Variants in PPP2R2D observed in about 807,000 individuals in gnomAD.
The protein encoded by PPP2R2D is serine/threonine-protein phosphatase 2A 55 kDa regulatory subunit B delta isoform.
In PPP2R2D, 9 loss-of-function variants were observed where a neutral mutation model predicts 31.1. The ratio of observed to expected loss-of-function variants is 0.29; its 90% confidence interval spans 0.17 to 0.51. PPP2R2D has a LOEUF of 0.51. PPP2R2D is among the 20% of genes least tolerant of loss of function. PPP2R2D has a pLI of 0.98. For missense variants in PPP2R2D, 391 were observed against 465.6 expected, an observed-to-expected ratio of 0.84 and a Z score of 1.48; for synonymous variants, 179 against 172.6, an observed-to-expected ratio of 1.04 and a Z score of -0.29.
At chr10:131,955,314 T>TTA in intron 8 of PPP2R2D, among the ~76,000 whole-genome samples, 1 of 152,188 alleles carries the variant, frequency 6.6e-6, no homozygotes, top group Non-Finnish European at 1.5e-5. Flanking sequence ...ATGATAAGGA[T>TTA]TATGTTCAGG....
At chr10:131,952,890 GGT>G (rs201571269) in intron 8 of PPP2R2D, among the ~76,000 whole-genome samples, 1 of 64,048 alleles carries the variant, frequency 1.6e-5, no homozygotes, top group Non-Finnish European at 2.9e-5. Context: ...GTGACTTGCG[GGT>G]GTGTGTGGGG....
intron 2 of PPP2R2D, among the ~76,000 whole-genome samples, chr10:131,902,405 C>T (rs1319768485): frequency 6.6e-6 from 1 of 152,148 alleles, no homozygotes; most frequent in East Asian, 1.9e-4. Flanking sequence ...TACCCTGTAC[C>T]TCTCCCTGGC....
intron 2 of PPP2R2D, among the ~76,000 whole-genome samples, chr10:131,925,947 C>G (rs1199287039): frequency 6.6e-6 from 1 of 152,178 alleles, no homozygotes; most frequent in Non-Finnish European, 1.5e-5. Flanking sequence ...CACACAGGCC[C>G]TTAGTCTGAG....
At chr10:131,912,395 C>G (rs2035699130) in intron 2 of PPP2R2D, 5 of 152,252 alleles carry the variant, frequency 3.3e-5, no homozygotes, top group Non-Finnish European at 7.3e-5. Flanking sequence ...CTGTGTTGCC[C>G]AGGATGGTCT....
At chr10:131,927,406 G>A (rs916722598) in intron 2 of PPP2R2D, among the ~76,000 whole-genome samples, 8 of 151,408 alleles carry the variant, frequency 5.3e-5, no homozygotes, top group Admixed American at 1.3e-4. Flanking sequence ...GGGCGGGTGC[G>A]CGGGTCGGAC....
At chr10:131,954,241 T>C (rs2036749314) in intron 8 of PPP2R2D, among the ~76,000 whole-genome samples, 1 of 152,266 alleles carries the variant, frequency 6.6e-6, no homozygotes, top group Non-Finnish European at 1.5e-5. Context: ...GTATGAAAGC[T>C]GATGTGCTTT....
intron 2 of PPP2R2D, among the ~76,000 whole-genome samples, chr10:131,926,302 G>A (rs2036104058): frequency 6.6e-6 from 1 of 152,054 alleles, no homozygotes; most frequent in Non-Finnish European, 1.5e-5. Flanking sequence ...TGGACTTTTT[G>A]CCTTTGGGTG....
At chr10:131,906,770 A>AG (rs1204804378) in intron 2 of PPP2R2D, among the ~76,000 whole-genome samples, 1 of 151,174 alleles carries the variant, frequency 6.6e-6, no homozygotes, top group Non-Finnish European at 1.5e-5. Context: ...AAAAAAAAAA[A>AG]AAAAGAAAGA....
intron 3 of PPP2R2D, among the ~76,000 whole-genome samples, chr10:131,938,626 T>C (rs1554896775): frequency 1.3e-5 from 2 of 152,236 alleles, no homozygotes; most frequent in Non-Finnish European, 2.9e-5. Flanking sequence ...CAAGCATGTT[T>C]CTCCACTTCT....
rs147648460 is a variant in PPP2R2D at position 131,955,089 on chromosome 10, A to G, written c.1083-595A>G. On this transcript the variant is annotated intron_variant, in intron 8 of 8. Transcript: ENST00000455566. The stretch of plus-strand genomic sequence containing the variant: ...TCGACAGCAGAGACATTTGAAAGCC[A>G]TTACAGTTGATCTTGAAGAAACAAA... Among the ~76,000 whole-genome samples the G allele has an allele frequency of 4.0e-3, 615 of 152,340 alleles. 3 individuals carry two copies. The highest frequency in any genetic ancestry group is 0.013 in the African/African-American group (555 of 41,568).
At chr10:131,915,484 T>G (rs1358485030) in intron 2 of PPP2R2D, among the ~76,000 whole-genome samples, 2 of 152,228 alleles carry the variant, frequency 1.3e-5, no homozygotes, top group Non-Finnish European at 2.9e-5. Context: ...TTTGGGTTTT[T>G]GAAGAGATGA....
At position 131,956,112 on chromosome 10, in the gene PPP2R2D, G is replaced by A; in HGVS notation, c.*149G>A. The A allele has an allele frequency of 7.9e-7, 1 of 1,264,428 alleles. No individual in the cohort carries two copies. The highest frequency in any genetic ancestry group is 3.3e-5 in the South Asian group (1 of 29,976). The allele number at this position is 1,264,428 out of a possible 1,614,324, so 78.3% of individuals were successfully genotyped here. A position where few individuals can be genotyped will look rare whatever the true frequency, so the allele number is the denominator to read the frequency against. On this transcript the variant is annotated 3_prime_UTR_variant, in exon 9 of 9. Transcript: ENST00000455566. ...ACACAGGAGAAAGCCGCCTCCGCTGGAGGCCCGGTGTGGTTCCGCCTCGGC... is the reference window on the plus strand; with the variant it reads ...ACACAGGAGAAAGCCGCCTCCGCTGAAGGCCCGGTGTGGTTCCGCCTCGGC...
intron 8 of PPP2R2D, among the ~76,000 whole-genome samples, chr10:131,949,123 C>T (rs2036596185): frequency 6.6e-6 from 1 of 152,184 alleles, no homozygotes; most frequent in Non-Finnish European, 1.5e-5. Flanking sequence ...GACCTGCCAG[C>T]CTGTAGCATC....
chr10:131,960,562 C>G (rs112083821), downstream of PPP2R2D, among the ~76,000 whole-genome samples: 2 of 152,210 alleles, frequency 1.3e-5, no homozygotes, highest in African/African-American at 4.8e-5. Context: ...TGTGTGGAGC[C>G]AAATCATCAC....
At chr10:131,971,226 T>TAC in the PPP2R2D span, 1 of 495,758 alleles carries the variant, frequency 2.0e-6, no homozygotes, top group African/African-American at 1.9e-5. Flanking sequence ...AGGGCGTAAA[T>TAC]ACATTTGGTT....
At chr10:131,931,063 C>T (rs2119819465) in intron 2 of PPP2R2D, among the ~76,000 whole-genome samples, 1 of 152,360 alleles carries the variant, frequency 6.6e-6, no homozygotes, top group South Asian at 2.1e-4. Flanking sequence ...TCCTGCCCCA[C>T]TCACCCGCAG....
Position 131,947,738 on chromosome 10 carries a change from T to G in PPP2R2D, c.1029T>G (p.Tyr343Ter). 1 of 1,614,222 alleles carries G rather than the reference T, an allele frequency of 6.2e-7. No homozygotes were observed. The highest frequency in any genetic ancestry group is 8.5e-7 in the Non-Finnish European group (1 of 1,180,042). ...TGCGCAGCAAGCTCTGCTCTCTCTATGAGAACGACTGCATCTTTGACAAGT... is the reference window on the plus strand; with the variant it reads ...TGCGCAGCAAGCTCTGCTCTCTCTAGGAGAACGACTGCATCTTTGACAAGT... ...EYLRSKLCSLYENDCIFDKFE... is the reference protein window; with the variant it reads ...EYLRSKLCSL The change falls in exon 8 of 9, where the codon TAT becomes TAG. Residue 343 changes from tyrosine to a stop codon, truncating the protein, a stop_gained. Coordinates refer to ENST00000455566, the MANE Select transcript of PPP2R2D (RefSeq NM_018461.5). LOFTEE classifies it high-confidence loss of function. This position sits in a 1 kb window ranked among gnomAD's most constrained non-coding sequence, Gnocchi z 4.3.
At chr10:131,944,681 T>C (rs1481394493) in intron 6 of PPP2R2D, among the ~76,000 whole-genome samples, 2 of 152,204 alleles carry the variant, frequency 1.3e-5, no homozygotes, top group Non-Finnish European at 2.9e-5. Flanking sequence ...CTCCCTCTGC[T>C]GTCCAGTGGC....
chr10:131,968,751 GT>G, the PPP2R2D span: 1 of 520,986 alleles, frequency 1.9e-6, no homozygotes, highest in South Asian at 2.5e-5. Flanking sequence ...TTATCAATAT[GT>G]ATTTTGTATT....
Sources: gnomAD v4.1 joint callset for allele counts (sites outside exome capture counted in the v4.1 genomes callset) on GRCh38, gnomAD v4.1.1 for gene constraint, Gnocchi (gnomAD v3.1) non-coding constraint, MANE v1.5 for transcripts, NCBI Gene and HGNC (gene_info 2026-07-23, HGNC 2026-07-21) for gene names.